Variants in ETFA observed in about 807,000 individuals in gnomAD.
ETFA encodes electron transfer flavoprotein subunit alpha, also known as electron transfer flavoprotein subunit alpha, mitochondrial.
Under a neutral mutation model 46.2 loss-of-function variants are expected in ETFA, and 22 were observed. That is an observed-to-expected ratio of 0.48 (90% CI 0.34 to 0.68). The LOEUF (loss-of-function observed/expected upper bound fraction) is 0.68, where lower values mean the gene tolerates loss of function less well. Ranked by LOEUF, ETFA falls within the 30% of genes least tolerant of loss-of-function variation. The pLI is 0.01. For synonymous variants in ETFA, 131 were observed against 139.9 expected (o/e 0.94, Z 0.45); for missense variants, 345 against 401.1 (o/e 0.86, Z 1.19).
intron 10 of ETFA, 155 bp downstream of exon 10, chr15:76,231,178 G>T: frequency 1.5e-6 from 1 of 650,788 alleles, no homozygotes; most frequent in Middle Eastern, 3.9e-4. Context: ...AATTTTTAAG[G>T]CAGTGAACGG....
intron 8 of ETFA, among the ~76,000 whole-genome samples, chr15:76,276,294 T>A (rs912912703): frequency 6.6e-6 from 1 of 152,104 alleles, no homozygotes; most frequent in Non-Finnish European, 1.5e-5. Context: ...GCTTGCATGG[T>A]TTCTGAAAAG....
Position 76,259,280 on chromosome 15 carries a change from C to G in ETFA, c.816+15132G>C, listed in dbSNP as rs923119670. 4.4e-6 allele frequency: 7 copies of G among 1,574,292 alleles called. No individual in the cohort carries two copies. In the African/African-American group the frequency reaches 6.8e-5, roughly 15 times the overall value. ...GGTCCTGGCTGGCGGATAGCACAGACAGCTGGCCCAGAATGTTCTCCAGTT... is the reference window on the plus strand; with the variant it reads ...GGTCCTGGCTGGCGGATAGCACAGAGAGCTGGCCCAGAATGTTCTCCAGTT... On this transcript the variant is annotated intron_variant, in intron 9 of 11. Coordinates refer to ENST00000557943, the MANE Select transcript of ETFA (RefSeq NM_000126.4).
intron 8 of ETFA, among the ~76,000 whole-genome samples, chr15:76,281,550 C>T (rs1260521286): frequency 6.6e-6 from 1 of 151,996 alleles, no homozygotes; most frequent in Non-Finnish European, 1.5e-5. Context: ...CTTAGCCTCC[C>T]AAGTAGCTGG....
At chr15:76,282,610 T>C (rs1174205654) in intron 8 of ETFA, among the ~76,000 whole-genome samples, 3 of 152,208 alleles carry the variant, frequency 2.0e-5, no homozygotes, top group African/African-American at 7.2e-5. Flanking sequence ...AGTGTCAATA[T>C]AATGCCTTTA....
intron 8 of ETFA, 66 bp from the exon 9 acceptor site, chr15:76,274,560 G>A: frequency 1.6e-6 from 2 of 1,218,500 alleles, no homozygotes; most frequent in Non-Finnish European, 2.4e-6. Context: ...GATATTCACT[G>A]ATAACTGTAA....
chr15:76,292,766 T>C (rs1334658096), intron 2 of ETFA, 66 bp from the exon 3 acceptor site: 12 of 1,060,190 alleles, frequency 1.1e-5, no homozygotes, highest in Non-Finnish European at 1.8e-5. Flanking sequence ...GCCACCACTA[T>C]AAATATCAAC....
chr15:76,264,392 G>A (rs1434036294), intron 9 of ETFA, among the ~76,000 whole-genome samples: 3 of 152,192 alleles, frequency 2.0e-5, no homozygotes, highest in African/African-American at 2.4e-5. Flanking sequence ...AATTGGGGTC[G>A]ATTAGAGAAT....
At chr15:76,248,339 G>C (rs918070032) in intron 9 of ETFA, among the ~76,000 whole-genome samples, 1 of 151,988 alleles carries the variant, frequency 6.6e-6, no homozygotes, top group African/African-American at 2.4e-5. Context: ...AACTACATGG[G>C]GGGAAAATGG....
At chr15:76,231,241 T>G (rs1035320129) in intron 10 of ETFA, 92 bp downstream of exon 10, 12 of 817,992 alleles carry the variant, frequency 1.5e-5, no homozygotes, top group Non-Finnish European at 2.6e-5. Context: ...ATGGCTTGAC[T>G]ACATGCATTG....
chr15:76,261,350 C>T, intron 9 of ETFA: 1 of 1,274,654 alleles, frequency 7.8e-7, no homozygotes, highest in Non-Finnish European at 1.1e-6. Context: ...CCCCCATCCA[C>T]CTTGCACCAG....
chr15:76,281,427 C>T (rs1484287664), intron 8 of ETFA, among the ~76,000 whole-genome samples: 7 of 150,612 alleles, frequency 4.6e-5, no homozygotes, highest in Non-Finnish European at 8.8e-5. Context: ...GACTCTCTAA[C>T]ATTTTTTTTT....
intron 6 of ETFA, among the ~76,000 whole-genome samples, chr15:76,286,074 G>C (rs2039702269): frequency 6.6e-6 from 1 of 152,092 alleles, no homozygotes; most frequent in African/African-American, 2.4e-5. Flanking sequence ...CTGTTATACT[G>C]AATCACCCAA....
At chr15:76,241,801 C>T (rs1259893977) in intron 9 of ETFA, among the ~76,000 whole-genome samples, 2 of 30,572 alleles carry the variant, frequency 6.5e-5, no homozygotes, top group South Asian at 2.4e-3. Flanking sequence ...GACTCCATCT[C>T]AAAAAAAAAA....
chr15:76,269,556 C>T (rs372455456), intron 9 of ETFA, among the ~76,000 whole-genome samples: 2 of 152,206 alleles, frequency 1.3e-5, no homozygotes, highest in African/African-American at 4.8e-5. Context: ...GGGGCCTTTG[C>T]AGCCTCCATA....
At chr15:76,292,994 A>C (rs2039782553) in intron 2 of ETFA, among the ~76,000 whole-genome samples, 1 of 152,078 alleles carries the variant, frequency 6.6e-6, no homozygotes, top group Non-Finnish European at 1.5e-5. Context: ...AAAATTAGCT[A>C]GGCATGGTGG....
Position 76,261,340 on chromosome 15 carries a change from C to G in ETFA, c.816+13072G>C, listed in dbSNP as rs896492870. ...CACTGGCTGGGAGATCTGGGTTTCG[C>G]CCCCATCCACCTTGCACCAGTACTG... On this transcript the variant is annotated intron_variant, in intron 9 of 11. Coordinates refer to ENST00000557943, the MANE Select transcript of ETFA (RefSeq NM_000126.4). The G allele has an allele frequency of 6.2e-6, 8 of 1,300,420 alleles. No homozygotes were observed. The African/African-American group carries it at 1.0e-4, about 16-fold the overall frequency. The allele number at this position is 1,300,420 out of a possible 1,614,324, so 80.6% of individuals were successfully genotyped here.
intron 9 of ETFA, among the ~76,000 whole-genome samples, chr15:76,236,918 C>G (rs1278529103): frequency 6.6e-6 from 1 of 151,908 alleles, no homozygotes; most frequent in Non-Finnish European, 1.5e-5. Context: ...ACTCACAGTT[C>G]TAAAAAAGAT....
intron 9 of ETFA, among the ~76,000 whole-genome samples, chr15:76,273,945 T>C (rs934673869): frequency 3.3e-5 from 5 of 152,310 alleles, no homozygotes; most frequent in African/African-American, 1.2e-4. Flanking sequence ...AAATTGATAC[T>C]ATAAGACAAA....
At chr15:76,280,917 CT>C (rs35907442) in intron 8 of ETFA, among the ~76,000 whole-genome samples, 8 of 102,054 alleles carry the variant, frequency 7.8e-5, no homozygotes, top group South Asian at 3.7e-4. Flanking sequence ...GTTCAGATGT[CT>C]TTTTTTTTTT....
Sources: allele counts gnomAD v4.1 joint callset (sites outside exome capture counted in the v4.1 genomes callset), GRCh38; gene constraint gnomAD v4.1.1; transcripts MANE v1.5; gene names NCBI Gene and HGNC (gene_info 2026-07-23, HGNC 2026-07-21).